The following HMCN2 variants were observed in gnomAD, a reference collection of about 807,000 sequenced individuals.
HMCN2 encodes the protein hemicentin-2.
In HMCN2, 325 loss-of-function variants were observed where a neutral mutation model predicts 377.5. The ratio of observed to expected loss-of-function variants is 0.86; its 90% CI spans 0.79 to 0.94. The LOEUF (loss-of-function observed/expected upper bound fraction) is 0.94. Ranked by LOEUF, HMCN2 falls within the 40% of genes least tolerant of loss-of-function variation. HMCN2 has a pLI of 0.00. For synonymous variants in HMCN2, 2,007 were observed against 2,046.8 expected, an observed-to-expected ratio of 0.98 and a Z score of 0.53; for missense variants, 4,543 against 4,725.3, an observed-to-expected ratio of 0.96 and a Z score of 1.13.
chr9:130,355,863 G>A lies in HMCN2; in HGVS notation c.5255+9G>A, dbSNP rs775399543. Reference sequence around the variant, plus strand: ...CCAGTACCCACTATCCAGTGAGTCTGGGGTGGTGGAGGCCAGGGCTGGGGG... The same window carrying A: ...CCAGTACCCACTATCCAGTGAGTCTAGGGTGGTGGAGGCCAGGGCTGGGGG... On this transcript the variant is annotated intron_variant, in intron 33 of 97. Coordinates refer to ENST00000683500, the MANE Select transcript of HMCN2 (RefSeq NM_001291815.2). 8 of 1,285,836 alleles carry A rather than the reference G, an allele frequency of 6.2e-6. No homozygotes were observed. The highest frequency in any genetic ancestry group is 8.2e-6 in the Non-Finnish European group (8 of 972,962). 79.7% of individuals were successfully genotyped at this position (1,285,836 alleles called of 1,614,324 possible). A position where few individuals can be genotyped will look rare whatever the true frequency, so the allele number is the denominator to read the frequency against.
rs964940181 is a variant in HMCN2 at position 130,418,921 on chromosome 9, A to T, written c.13111A>T (p.Thr4371Ser). The T allele has an allele frequency of 4.3e-5, 67 of 1,547,438 alleles. No individual in the cohort carries two copies. Among genetic ancestry groups the T allele is most frequent in the Middle Eastern group, 1.7e-4 (1 of 6,002 alleles). The change falls in exon 86 of 98, where the codon ACC (threonine) becomes TCC (serine). Residue 4371 changes from threonine to serine, a missense_variant. Transcript: ENST00000683500. ...CTTGCGGGCCAGCCGGCGGCTCCGG[A>T]CCCTGCCCGATGGGAGCCTGTGGCT... ...QPLRASRRLR[T>S]LPDGSLWLEN...
Position 130,425,027 on chromosome 9 carries a change from C to A in HMCN2, c.13538C>A (p.Thr4513Asn). The change falls in exon 89 of 98, where the codon ACC becomes AAC. Residue 4513 changes from threonine (T) to asparagine (N), a missense_variant. This residue lies in a region of HMCN2 where 1,155 missense variants were observed against 1,157.7 expected (regional missense o/e 1.00). Coordinates refer to ENST00000683500, the MANE Select transcript of HMCN2 (RefSeq NM_001291815.2). ...TTTGCAGGGGAGCTGCTCACGATGACCCAGGTGGCCCGGGGTCTGGATCCC... is the reference window on the plus strand; with the variant it reads ...TTTGCAGGGGAGCTGCTCACGATGAACCAGGTGGCCCGGGGTCTGGATCCC... ...EFATGELLTM[T>N]QVARGLDPDG... 1 of 1,548,552 alleles carries A rather than the reference C, an allele frequency of 6.5e-7. No individual in the cohort carries two copies. The highest frequency in any genetic ancestry group is 8.7e-7 in the Non-Finnish European group (1 of 1,145,856).
chr9:130,381,129 G>C (rs1314652821), intron 54 of HMCN2, among the ~76,000 whole-genome samples: 4 of 152,162 alleles, frequency 2.6e-5, no homozygotes, highest in African/African-American at 9.7e-5. Context: ...AGGCGTCATG[G>C]TCACGGCTGA....
At chr9:130,405,869 T>G in intron 81 of HMCN2, 86 bp from the exon 82 acceptor site, 2 of 1,018,734 alleles carry the variant, frequency 2.0e-6, no homozygotes, top group Non-Finnish European at 2.6e-6. Context: ...GGCTGGATGC[T>G]CCATGAGAAC....
intron 53 of HMCN2, among the ~76,000 whole-genome samples, chr9:130,378,384 T>A (rs1188532692): frequency 2.5e-5 from 1 of 40,264 alleles, no homozygotes. Context: ...TAGGCTGGGA[T>A]GGGGAGGCTG....
intron 15 of HMCN2, among the ~76,000 whole-genome samples, chr9:130,317,348 C>T (rs1369784909): frequency 2.0e-5 from 3 of 151,980 alleles, no homozygotes. Context: ...AATAAGTGCT[C>T]GTCTTCATGC....
rs1454653191 is a variant in HMCN2, at chr9:130,432,528, C to A, written c.14867C>A (p.Ala4956Asp). ...CAGTGTGTGGACACACCCTGTCCTG[C>A]CACCTACCGGCAGGGCCCCAGCCCT... ...SYQCVDTPCP[A>D]TYRQGPSPGT... Residue 4956 changes from alanine to aspartate, a missense_variant, in exon 97 of 98, where the codon GCC (alanine) becomes GAC (aspartate). Coordinates refer to ENST00000683500, the MANE Select transcript of HMCN2 (RefSeq NM_001291815.2). 6.4e-7 allele frequency: 1 copy of A among 1,550,506 alleles called. No individual in the cohort carries two copies. Among genetic ancestry groups the A allele is most frequent in the Non-Finnish European group, 8.7e-7 (1 of 1,147,024 alleles).
chr9:130,397,469 A>G, intron 73 of HMCN2, 59 bp from the exon 74 acceptor site: 1 of 1,269,292 alleles, frequency 7.9e-7, no homozygotes, highest in Non-Finnish European at 1.0e-6. Context: ...TGCTAGAGAC[A>G]GCCTTGCTCC....
chr9:130,374,521 C>T lies in HMCN2; in HGVS notation c.7458C>T (p.Leu2486=). ...ATACAGGCCACCCACAGCCCAAGCTCACATGGTTCAAAGATGGCCGGCCTC... is the reference window on the plus strand; with the variant it reads ...ATACAGGCCACCCACAGCCCAAGCTTACATGGTTCAAAGATGGCCGGCCTC... The part of the protein sequence containing the change: ...CNVTGHPQPK[L]TWFKDGRPLA... Residue 2486 remains leucine, a synonymous_variant, in exon 49 of 98, where the codon CTC becomes CTT. Coordinates refer to ENST00000683500, the MANE Select transcript of HMCN2 (RefSeq NM_001291815.2). 1 of 985,862 alleles carries T rather than the reference C, an allele frequency of 1.0e-6. No individual in the cohort carries two copies. The allele number at this position is 985,862 out of a possible 1,614,324, so 61.1% of individuals were successfully genotyped here. A position where few individuals can be genotyped will look rare whatever the true frequency, so the allele number is the denominator to read the frequency against.
chr9:130,388,491 C>T lies in HMCN2; in HGVS notation c.9474C>T (p.Ser3158=), dbSNP rs771837587. ...CCCTGGTCCTGACCTGTGATGTGTC[C>T]GGGGTCCCTGCACCCACGGTCACTT... ...GSPLVLTCDV[S]GVPAPTVTWL... Residue 3158 remains serine, a synonymous_variant, in exon 62 of 98, where the codon TCC becomes TCT. Coordinates refer to ENST00000683500, the MANE Select transcript of HMCN2 (RefSeq NM_001291815.2). 54 of 987,884 alleles carry T rather than the reference C, an allele frequency of 5.5e-5. No homozygotes were observed. The highest frequency in any genetic ancestry group is 2.8e-4 in the Middle Eastern group (1 of 3,566). The allele number at this position is 987,884 out of a possible 1,614,324, so 61.2% of individuals were successfully genotyped here.
intron 73 of HMCN2, 67 bp from the exon 74 acceptor site, chr9:130,397,460 GC>G: frequency 4.0e-6 from 5 of 1,259,310 alleles, no homozygotes; most frequent in Non-Finnish European, 5.2e-6. Context: ...GAAGGGTCTT[GC>G]TAGAGACAGC....
chr9:130,407,549 G>A (rs551561734), intron 82 of HMCN2, 22 bp from the exon 83 acceptor site: 180 of 1,288,496 alleles, frequency 1.4e-4, no homozygotes, highest in Admixed American at 1.6e-4. Context: ...CCCTGCACCC[G>A]ACTTCTCTTT....
chr9:130,358,545 C>A (rs1564813459), intron 36 of HMCN2, 59 bp downstream of exon 36: 3 of 1,300,222 alleles, frequency 2.3e-6, no homozygotes, highest in Non-Finnish European at 1.0e-6. Context: ...CCCTTGGGGA[C>A]CCTTGGGGCT....
chr9:130,432,436 C>G lies in HMCN2; in HGVS notation c.14775C>G (p.Asn4925Lys), dbSNP rs991230552. 13 of 1,550,998 alleles carry G rather than the reference C, an allele frequency of 8.4e-6. No individual in the cohort carries two copies. In the Admixed American group the frequency reaches 2.2e-4, roughly 26 times the overall value. The change falls in exon 97 of 98, where the codon AAC becomes AAG. Residue 4925 changes from asparagine to lysine, a missense_variant. By Grantham distance (94) the Asn-to-Lys change is moderately conservative. This residue lies in a region of HMCN2 where 1,155 missense variants were observed against 1,157.7 expected (regional missense o/e 1.00). Coordinates refer to ENST00000683500, the MANE Select transcript of HMCN2 (RefSeq NM_001291815.2). The part of the protein sequence containing the change: ...LPSGKNCQDI[N>K]ECEEESIECG... ...ACCAACTTCCCCATCCAGACATCAA[C>G]GAGTGCGAGGAGGAGAGCATCGAGT...
intron 22 of HMCN2, among the ~76,000 whole-genome samples, chr9:130,328,942 C>T (rs1838284347): frequency 1.3e-5 from 2 of 152,240 alleles, no homozygotes; most frequent in African/African-American, 2.4e-5. Context: ...TATCCTCCTC[C>T]TACCACACCT....
At chr9:130,294,309 C>T (rs1554931127) in intron 4 of HMCN2, among the ~76,000 whole-genome samples, 2 of 152,180 alleles carry the variant, frequency 1.3e-5, no homozygotes, top group African/African-American at 2.4e-5. Context: ...ATTATAGAAA[C>T]CAAGGATTTA....
intron 4 of HMCN2, among the ~76,000 whole-genome samples, chr9:130,294,454 G>A (rs1244696179): frequency 1.3e-5 from 2 of 152,204 alleles, no homozygotes; most frequent in African/African-American, 4.8e-5. Context: ...CACAGTTGGA[G>A]GCCCCTGGGA....
chr9:130,403,124 C>T (rs951056474), intron 78 of HMCN2, 70 bp from the exon 79 acceptor site: 39 of 1,233,498 alleles, frequency 3.2e-5, no homozygotes, highest in African/African-American at 1.7e-4. Flanking sequence ...TCTGATGCTC[C>T]GAGGCCCGCT....
intron 54 of HMCN2, among the ~76,000 whole-genome samples, chr9:130,381,609 T>G (rs1432262037): frequency 6.6e-6 from 1 of 152,116 alleles, no homozygotes; most frequent in Non-Finnish European, 1.5e-5. Flanking sequence ...CCTCAGGTGA[T>G]CCACCTGCCT....
Sources: gnomAD v4.1 joint callset for allele counts (sites outside exome capture counted in the v4.1 genomes callset) on GRCh38, gnomAD v4.1.1 for gene constraint, gnomAD v4.1.1 regional missense constraint, MANE v1.5 for transcripts, NCBI Gene and HGNC (gene_info 2026-07-23, HGNC 2026-07-21) for gene names.